ZEB1: variants seen among roughly 807,000 people sequenced by gnomAD.
The protein encoded by ZEB1 is zinc finger E-box-binding homeobox 1.
A neutral mutation model predicts 84.9 loss-of-function variants in ZEB1; 21 were observed. That is an observed-to-expected ratio of 0.25 (90% confidence interval 0.18 to 0.36). The LOEUF is 0.36. Among genes scored for constraint, ZEB1 ranks in the 10% least tolerant of loss-of-function variants. The pLI, the probability that ZEB1 is intolerant of heterozygous loss-of-function variation, is 1.00. For missense variants in ZEB1, 1,104 were observed against 1,330.2 expected, an observed-to-expected ratio of 0.83 and a Z score of 2.65; for synonymous variants, 420 against 471.1, an observed-to-expected ratio of 0.89 and a Z score of 1.41.
At chr10:31,403,756 T>A (rs1256629178) in intron 1 of ZEB1, among the ~76,000 whole-genome samples, 1 of 152,044 alleles carries the variant, frequency 6.6e-6, no homozygotes, top group African/African-American at 2.4e-5. Context: ...TCAGCTTTCC[T>A]TTTGTAAATT....
At chr10:31,363,469 T>C (rs2043765172) in intron 1 of ZEB1, 1 of 1,533,136 alleles carries the variant, frequency 6.5e-7, no homozygotes. Flanking sequence ...GAGGTTTCCC[T>C]GAGTCTCCAG....
rs544671861 is a variant in ZEB1, at chr10:31,463,597, C to T, written c.259+2360C>T. On this transcript the variant is annotated intron_variant, in intron 2 of 8. Transcript: ENST00000424869. ...GATGAACTAAAAGCAAACCATTTTC[C>T]ATCTCTACCATCCTTGAGAGTGAAC... 7.4e-4 allele frequency among the ~76,000 whole-genome samples: 112 copies of T among 152,282 alleles called. 4 individuals carry two copies. The South Asian group carries it at 0.022, about 30-fold the overall frequency.
chr10:31,367,952 A>AGT (rs2044856330), intron 1 of ZEB1, among the ~76,000 whole-genome samples: 2 of 149,714 alleles, frequency 1.3e-5, no homozygotes, highest in African/African-American at 5.0e-5. Context: ...TTTATTATAT[A>AGT]CTATATATAT....
chr10:31,475,501 T>A (rs1054043822), intron 2 of ZEB1, among the ~76,000 whole-genome samples: 4 of 152,142 alleles, frequency 2.6e-5, no homozygotes, highest in Non-Finnish European at 5.9e-5. Context: ...GTCATTAGGC[T>A]ATTCAAAGTC....
At chr10:31,456,920 A>G (rs894929166) in intron 1 of ZEB1, among the ~76,000 whole-genome samples, 23 of 152,306 alleles carry the variant, frequency 1.5e-4, no homozygotes, top group Non-Finnish European at 2.9e-4. Context: ...ATTAAATATT[A>G]GCAAATAATA....
At chr10:31,398,736 C>T (rs544578225) in intron 1 of ZEB1, among the ~76,000 whole-genome samples, 11 of 152,244 alleles carry the variant, frequency 7.2e-5, no homozygotes, top group African/African-American at 2.4e-4. Context: ...GACCTGGCAA[C>T]GGTGTTTAAC....
At chr10:31,511,314 C>T (rs969993863) in intron 5 of ZEB1, among the ~76,000 whole-genome samples, 1 of 152,120 alleles carries the variant, frequency 6.6e-6, no homozygotes, top group Non-Finnish European at 1.5e-5. Context: ...TATTTATTCT[C>T]AGTATAAGCT....
intron 1 of ZEB1, among the ~76,000 whole-genome samples, chr10:31,449,444 T>C (rs2060258570): frequency 6.6e-6 from 1 of 152,112 alleles, no homozygotes; most frequent in Non-Finnish European, 1.5e-5. Flanking sequence ...TCTCTGCCTA[T>C]ATTTTCTTCT....
At chr10:31,454,560 C>G (rs1195612738) in intron 1 of ZEB1, among the ~76,000 whole-genome samples, 1 of 152,196 alleles carries the variant, frequency 6.6e-6, no homozygotes, top group Admixed American at 6.5e-5. Context: ...TGATAAACAA[C>G]TTCAGCAAAG....
rs1474157525 is a variant in ZEB1 at position 31,331,333 on chromosome 10, G to A, written c.58+12041G>A. Among the ~76,000 whole-genome samples, 4 of 151,992 alleles carry A rather than the reference G, an allele frequency of 2.6e-5. No individual in the cohort carries two copies. In the East Asian group the frequency reaches 7.7e-4, roughly 29 times the overall value. Reference sequence around the variant, plus strand: ...CATCTCCTGACATCGTGATCTGCCTGCCTCAGCCTCCCAAAGTGCTGGGAT... The same window carrying A: ...CATCTCCTGACATCGTGATCTGCCTACCTCAGCCTCCCAAAGTGCTGGGAT... On this transcript the variant is annotated intron_variant, in intron 1 of 8. Transcript: ENST00000424869.
intron 1 of ZEB1, among the ~76,000 whole-genome samples, chr10:31,371,568 C>G (rs565484342): frequency 6.6e-6 from 1 of 152,264 alleles, no homozygotes; most frequent in East Asian, 1.9e-4. Context: ...TGTGATAAAT[C>G]TATTCAAACT....
chr10:31,494,789 C>G (rs539903966), intron 2 of ZEB1, among the ~76,000 whole-genome samples: 2 of 152,068 alleles, frequency 1.3e-5, no homozygotes, highest in Admixed American at 1.3e-4. Flanking sequence ...ATAAAACATA[C>G]TTTTTGCTTG....
At chr10:31,342,501 A>G (rs1219097947) in intron 1 of ZEB1, among the ~76,000 whole-genome samples, 2 of 152,150 alleles carry the variant, frequency 1.3e-5, no homozygotes, top group African/African-American at 4.8e-5. Flanking sequence ...CAAAGGGTCA[A>G]GTCTTAGCAG....
At chr10:31,423,592 GTGTT>G (rs1292353336) in intron 1 of ZEB1, among the ~76,000 whole-genome samples, 2 of 152,112 alleles carry the variant, frequency 1.3e-5, no homozygotes, top group African/African-American at 4.8e-5. Flanking sequence ...ATGAGGATCA[GTGTT>G]TAAGCAATTA....
chr10:31,456,758 G>T (rs12264598), intron 1 of ZEB1, among the ~76,000 whole-genome samples: 2,155 of 152,174 alleles, frequency 0.014, 50 homozygotes, highest in African/African-American at 0.049. Context: ...TACTTCTTAG[G>T]AGCTGCTGTA....
At chr10:31,409,608 G>C (rs2053847456) in intron 1 of ZEB1, among the ~76,000 whole-genome samples, 1 of 152,144 alleles carries the variant, frequency 6.6e-6, no homozygotes, top group Admixed American at 6.5e-5. Context: ...GGGCAGTATG[G>C]CCATTTTCAC....
intron 1 of ZEB1, among the ~76,000 whole-genome samples, chr10:31,436,303 T>C (rs2058294783): frequency 6.6e-6 from 1 of 152,220 alleles, no homozygotes; most frequent in South Asian, 2.1e-4. Flanking sequence ...TTAAGTTTTA[T>C]CATCTTAGAT....
intron 1 of ZEB1, among the ~76,000 whole-genome samples, chr10:31,427,720 G>A (rs896900516): frequency 3.9e-5 from 6 of 152,044 alleles, no homozygotes; most frequent in Admixed American, 6.6e-5. Context: ...TTAGCCGGGC[G>A]TGGTGGCGGG....
chr10:31,444,559 A>C (rs1382337296), intron 1 of ZEB1, among the ~76,000 whole-genome samples: 1 of 151,258 alleles, frequency 6.6e-6, no homozygotes, highest in East Asian at 1.9e-4. Flanking sequence ...CTAAAGTTTA[A>C]ATCTTTAATC....
Sources: gnomAD v4.1 joint callset for allele counts (sites outside exome capture counted in the v4.1 genomes callset) on GRCh38, gnomAD v4.1.1 for gene constraint, MANE v1.5 for transcripts, NCBI Gene and HGNC (gene_info 2026-07-23, HGNC 2026-07-21) for gene names.